The following RNF180 variants were observed in gnomAD, a reference collection of about 807,000 sequenced individuals.
RNF180 encodes E3 ubiquitin-protein ligase RNF180.
A neutral mutation model predicts 59.2 loss-of-function variants in RNF180; 38 were observed. That is an observed-to-expected ratio of 0.64 (90% CI 0.50 to 0.84). The LOEUF is 0.84. Ranked by LOEUF, RNF180 falls within the 40% of genes least tolerant of loss-of-function variation. The pLI is 0.00. For missense variants in RNF180, 705 were observed against 700.9 expected (o/e 1.01, Z -0.07); for synonymous variants, 262 against 240.3 (o/e 1.09, Z -0.84).
At chr5:64,199,565 T>A (rs1022280815) in intron 1 of RNF180, among the ~76,000 whole-genome samples, 2 of 152,176 alleles carry the variant, frequency 1.3e-5, no homozygotes, top group African/African-American at 4.8e-5. Context: ...AGTGAGCACC[T>A]CTGAGACAGA....
At chr5:64,209,905 T>C (rs541875753) in intron 2 of RNF180, among the ~76,000 whole-genome samples, 7 of 152,240 alleles carry the variant, frequency 4.6e-5, no homozygotes, top group African/African-American at 1.7e-4. Context: ...CTTTATTTTG[T>C]TTCTGGGGCA....
In RNF180 at chr5:64,319,835, T is replaced by C. The variant is rs144273779; in HGVS notation, c.1228-5351T>C. Among the ~76,000 whole-genome samples, 129 of 152,326 alleles carry C rather than the reference T, an allele frequency of 8.5e-4. 1 individual carries two copies. The highest frequency in any genetic ancestry group is 3.0e-3 in the African/African-American group (124 of 41,572). On this transcript the variant is annotated intron_variant, in intron 5 of 7. Transcript: ENST00000389100. ...AGCAGCAGTCAAAACAAAACAAATA[T>C]TTTGTACAGTTGAATCTTTATTTTT...
intron 5 of RNF180, among the ~76,000 whole-genome samples, chr5:64,256,221 A>G (rs1030243182): frequency 6.6e-5 from 10 of 151,928 alleles, no homozygotes; most frequent in Non-Finnish European, 1.0e-4. Flanking sequence ...CCCATTTGTC[A>G]ATTTTGGCTT....
chr5:64,253,350 A>C (rs191908892), intron 5 of RNF180, among the ~76,000 whole-genome samples: 1 of 151,628 alleles, frequency 6.6e-6, no homozygotes, highest in African/African-American at 2.4e-5. Context: ...TGAATTTTTC[A>C]CATTGTTTAT....
At chr5:64,350,598 A>G (rs537620700) in intron 7 of RNF180, among the ~76,000 whole-genome samples, 1 of 152,220 alleles carries the variant, frequency 6.6e-6, no homozygotes, top group African/African-American at 2.4e-5. Context: ...AGGTATAAGG[A>G]AGGGATCCAG....
chr5:64,324,745 G>C (rs952469600), intron 5 of RNF180, among the ~76,000 whole-genome samples: 6 of 152,150 alleles, frequency 3.9e-5, no homozygotes, highest in Admixed American at 1.3e-4. Context: ...TCCACACGCA[G>C]TATGAGAATG....
intron 5 of RNF180, among the ~76,000 whole-genome samples, chr5:64,251,237 C>G (rs1013695507): frequency 6.6e-6 from 1 of 152,164 alleles, no homozygotes; most frequent in Non-Finnish European, 1.5e-5. Context: ...CAACTAACAT[C>G]ATACACAATG....
chr5:64,254,686 T>C (rs116349932), intron 5 of RNF180, among the ~76,000 whole-genome samples: 26 of 152,298 alleles, frequency 1.7e-4, no homozygotes, highest in African/African-American at 6.0e-4. Context: ...TTGGATATTG[T>C]GTATCAAAAT....
intron 7 of RNF180, among the ~76,000 whole-genome samples, chr5:64,367,262 T>C (rs56029990): frequency 0.089 from 13,415 of 151,308 alleles, 748 homozygotes; most frequent in South Asian, 0.17. Context: ...TGAAAACACA[T>C]GAAAGTAAAA....
At chr5:64,367,998 G>T (rs1020039251) in intron 7 of RNF180, among the ~76,000 whole-genome samples, 5 of 151,664 alleles carry the variant, frequency 3.3e-5, no homozygotes, top group African/African-American at 1.2e-4. Flanking sequence ...CTATTGAGCA[G>T]GTTTTTTCTC....
intron 5 of RNF180, among the ~76,000 whole-genome samples, chr5:64,240,964 A>C (rs1742772564): frequency 6.6e-6 from 1 of 152,122 alleles, no homozygotes; most frequent in Admixed American, 6.6e-5. Flanking sequence ...TGGACTATAA[A>C]TCTCACAAGA....
At chr5:64,362,113 G>T (rs1746279607) in intron 7 of RNF180, among the ~76,000 whole-genome samples, 1 of 150,448 alleles carries the variant, frequency 6.6e-6, no homozygotes, top group Admixed American at 6.6e-5. Flanking sequence ...TAGGTTCATG[G>T]GTACATGTGC....
At chr5:64,344,975 C>T (rs1395733860) in intron 7 of RNF180, among the ~76,000 whole-genome samples, 1 of 151,762 alleles carries the variant, frequency 6.6e-6, no homozygotes, top group Non-Finnish European at 1.5e-5. Context: ...ACCCGTAAGC[C>T]TTGTGTTTGG....
chr5:64,243,613 C>T (rs528583423), intron 5 of RNF180, among the ~76,000 whole-genome samples: 4 of 152,312 alleles, frequency 2.6e-5, no homozygotes, highest in African/African-American at 9.6e-5. Context: ...TTCTATACTC[C>T]CATCACCCTA....
chr5:64,174,724 G>A (rs1418814971), intron 1 of RNF180, among the ~76,000 whole-genome samples: 11 of 151,944 alleles, frequency 7.2e-5, no homozygotes, highest in Admixed American at 1.3e-4. Context: ...CATAGTTTGC[G>A]AATATTTTTC....
At chr5:64,177,369 C>T (rs1257783076) in intron 1 of RNF180, among the ~76,000 whole-genome samples, 1 of 151,926 alleles carries the variant, frequency 6.6e-6, no homozygotes, top group East Asian at 1.9e-4. Flanking sequence ...CTACTCTCTT[C>T]ACAAAGCTTT....
At chr5:64,341,453 AAAG>A (rs1745351715) in intron 7 of RNF180, among the ~76,000 whole-genome samples, 4 of 152,206 alleles carry the variant, frequency 2.6e-5, no homozygotes, top group South Asian at 2.1e-4. Context: ...CATTTAATTA[AAAG>A]AAAAGATTTC....
At chr5:64,300,471 G>C (rs1743103176) in intron 5 of RNF180, among the ~76,000 whole-genome samples, 1 of 151,756 alleles carries the variant, frequency 6.6e-6, no homozygotes, top group Admixed American at 6.6e-5. Flanking sequence ...GGGTTAACTG[G>C]CATATTTATT....
At chr5:64,354,979 A>C (rs1387553747) in intron 7 of RNF180, among the ~76,000 whole-genome samples, 1 of 151,920 alleles carries the variant, frequency 6.6e-6, no homozygotes, top group Admixed American at 6.6e-5. Flanking sequence ...CATTTGTGAA[A>C]AACTGAAAGC....
Sources: gnomAD v4.1 joint callset for allele counts (sites outside exome capture counted in the v4.1 genomes callset) on GRCh38, gnomAD v4.1.1 for gene constraint, MANE v1.5 for transcripts, NCBI Gene and HGNC (gene_info 2026-07-23, HGNC 2026-07-21) for gene names.